The following ABCC12 variants were observed in gnomAD, a reference collection of about 807,000 sequenced individuals.
The protein encoded by ABCC12 is ATP-binding cassette sub-family C member 12.
Under a neutral mutation model 151.1 loss-of-function variants are expected in ABCC12, and 142 were observed. The ratio of observed to expected loss-of-function variants is 0.94; its 90% CI spans 0.82 to 1.08. The LOEUF is 1.08. ABCC12 is among the 50% of genes least tolerant of loss of function. The pLI is 0.00. For synonymous variants in ABCC12, 645 were observed against 646.4 expected, an observed-to-expected ratio of 1.00 and a Z score of 0.03; for missense variants, 1,638 against 1,691.1, an observed-to-expected ratio of 0.97 and a Z score of 0.55.
Position 48,100,991 on chromosome 16 carries a change from G to T in ABCC12, c.2919C>A (p.Val973=), listed in dbSNP as rs1276549327. ...FILLRIFHRG[V]QELKKVENVS... Reference sequence around the variant, plus strand: ...CATTCTCCACCTTCTTGAGCTCCTGGACTCCTCTGTGGAAAATGCTGGAAG... The same window carrying T: ...CATTCTCCACCTTCTTGAGCTCCTGTACTCCTCTGTGGAAAATGCTGGAAG... The change falls in exon 23 of 31, where the codon GTC becomes GTA. Residue 973 remains valine, a synonymous_variant. Coordinates refer to ENST00000311303, the MANE Select transcript of ABCC12 (RefSeq NM_001393797.1). The T allele has an allele frequency of 6.2e-7, 1 of 1,614,168 alleles. No homozygotes were observed. The highest frequency in any genetic ancestry group is 2.2e-5 in the East Asian group (1 of 44,880).
At chr16:48,126,903 C>A (rs1440613547) in intron 11 of ABCC12, among the ~76,000 whole-genome samples, 2 of 152,136 alleles carry the variant, frequency 1.3e-5, no homozygotes, top group Non-Finnish European at 2.9e-5. Context: ...AAAGCCATTG[C>A]GTGGCCAGAA....
chr16:48,138,775 T>C (rs997116683), intron 7 of ABCC12, among the ~76,000 whole-genome samples: 3 of 151,938 alleles, frequency 2.0e-5, no homozygotes, highest in Admixed American at 6.6e-5. Context: ...AAGACCAGCC[T>C]GGACAACATA....
Position 48,102,881 on chromosome 16 carries a change from G to C in ABCC12, c.2900+1261C>G, listed in dbSNP as rs185393108. On this transcript the variant is annotated intron_variant, in intron 22 of 30. Transcript: ENST00000311303. ...CCCAACACCCAAAATTCCACCAGAC[G>C]TGGGAAGTGAAACCCTGATGACACT... Among the ~76,000 whole-genome samples the C allele has an allele frequency of 2.4e-3, 364 of 152,182 alleles. 5 individuals carry two copies. Among genetic ancestry groups the C allele is most frequent in the African/African-American group, 8.4e-3 (350 of 41,504 alleles).
chr16:48,085,346 A>G (rs1370996414), intron 29 of ABCC12, among the ~76,000 whole-genome samples: 1 of 152,204 alleles, frequency 6.6e-6, no homozygotes, highest in African/African-American at 2.4e-5. Flanking sequence ...TTAGGCAAGC[A>G]GAGTGAAAAT....
At chr16:48,127,323 G>T (rs1205882778) in intron 11 of ABCC12, among the ~76,000 whole-genome samples, 1 of 152,172 alleles carries the variant, frequency 6.6e-6, no homozygotes, top group African/African-American at 2.4e-5. Flanking sequence ...AGTTCCCAGA[G>T]CAAGAAGGAG....
intron 18 of ABCC12, 108 bp downstream of exon 18, chr16:48,111,328 C>T: frequency 1.5e-6 from 2 of 1,347,636 alleles, no homozygotes; most frequent in South Asian, 1.3e-5. Flanking sequence ...CCATCCAATT[C>T]TGGCTGCCCA....
At chr16:48,138,407 G>A (rs375238319) in intron 7 of ABCC12, 32 bp from the exon 8 acceptor site, 1 of 1,586,952 alleles carries the variant, frequency 6.3e-7, no homozygotes, top group South Asian at 1.1e-5. Flanking sequence ...TGTTTTCAGA[G>A]AGAAGTGCTG....
Position 48,144,011 on chromosome 16 carries a change from G to T in ABCC12, c.174C>A (p.Ser58=), listed in dbSNP as rs774222093. ...DAGLLSFATF[S]WLTPVMVKGY... is the part of the protein sequence containing the mutation. Reference sequence around the variant, plus strand: ...CTTTCACCATCACCGGCGTGAGCCAGGAAAATGTGGCGAAGGAGAGTAGCC... The same window carrying T: ...CTTTCACCATCACCGGCGTGAGCCATGAAAATGTGGCGAAGGAGAGTAGCC... Residue 58 remains serine, a synonymous_variant, in exon 4 of 31, where the codon TCC becomes TCA. Transcript: ENST00000311303. 1 of 1,614,224 alleles carries T rather than the reference G, an allele frequency of 6.2e-7. No homozygotes were observed. The highest frequency in any genetic ancestry group is 1.7e-5 in the Admixed American group (1 of 60,032).
chr16:48,094,895 A>C (rs147646935), intron 24 of ABCC12, among the ~76,000 whole-genome samples: 52 of 152,294 alleles, frequency 3.4e-4, no homozygotes, highest in Admixed American at 1.1e-3. Context: ...GAAACTCTGA[A>C]AACCCAACCC....
intron 4 of ABCC12, 21 bp from the exon 5 acceptor site, chr16:48,141,374 C>A (rs1270479529): frequency 3.7e-6 from 6 of 1,613,444 alleles, no homozygotes; most frequent in Non-Finnish European, 5.1e-6. Flanking sequence ...AAAACAGAAG[C>A]ATAAAATGGA....
intron 18 of ABCC12, 105 bp downstream of exon 18, chr16:48,111,331 G>T: frequency 7.3e-7 from 1 of 1,368,206 alleles, no homozygotes; most frequent in Non-Finnish European, 1.0e-6. Flanking sequence ...TCCAATTCTG[G>T]CTGCCCAAAA....
At chr16:48,121,250 T>C (rs1262040985) in intron 13 of ABCC12, 1 of 152,352 alleles carries the variant, frequency 6.6e-6, no homozygotes, top group Non-Finnish European at 1.5e-5. Context: ...AAGTTGAGCT[T>C]TGTTTTTATT....
chr16:48,102,667 G>C (rs912373491), intron 22 of ABCC12, among the ~76,000 whole-genome samples: 1 of 152,120 alleles, frequency 6.6e-6, no homozygotes, highest in African/African-American at 2.4e-5. Flanking sequence ...CAGCTCTCCT[G>C]CCCCAGTACA....
At chr16:48,136,027 C>T (rs1288201119) in intron 8 of ABCC12, among the ~76,000 whole-genome samples, 1 of 152,038 alleles carries the variant, frequency 6.6e-6, no homozygotes, top group Non-Finnish European at 1.5e-5. Context: ...TCGTCCTCAC[C>T]ACTGCATGAT....
chr16:48,134,945 G>C (rs1176472212), intron 8 of ABCC12, among the ~76,000 whole-genome samples: 3 of 151,816 alleles, frequency 2.0e-5, no homozygotes, highest in African/African-American at 4.8e-5. Context: ...CCAGCTACTC[G>C]GGAGGCTGAG....
chr16:48,153,008 G>A (rs1052774850), intron 2 of ABCC12, among the ~76,000 whole-genome samples: 2 of 152,258 alleles, frequency 1.3e-5, no homozygotes, highest in East Asian at 1.9e-4. Context: ...CTGTGCACTT[G>A]ACTCTCAAGT....
intron 29 of ABCC12, among the ~76,000 whole-genome samples, chr16:48,085,183 G>A (rs1210550689): frequency 6.6e-6 from 1 of 152,112 alleles, no homozygotes; most frequent in Admixed American, 6.5e-5. Flanking sequence ...GGGTGGCTAA[G>A]TTACAAAGAA....
At chr16:48,105,677 G>A (rs1963469035) in intron 20 of ABCC12, among the ~76,000 whole-genome samples, 1 of 152,178 alleles carries the variant, frequency 6.6e-6, no homozygotes, top group African/African-American at 2.4e-5. Flanking sequence ...GATCAGAGAG[G>A]CAAATGGGGA....
rs1963117460 is a variant in ABCC12 at position 48,096,884 on chromosome 16, G to A, written c.3057C>T (p.Asn1019=). ...TCAGCGCAAACCACCTGAGAGCACA[G>A]TTAAAGTAGAGGAGGTGACTGGAGT... ...SCITYHLLYF[N]CALRWFALRM... is the part of the protein sequence containing the mutation. The change falls in exon 24 of 31, where the codon AAC becomes AAT. Residue 1019 remains asparagine, a synonymous_variant. Coordinates refer to ENST00000311303, the MANE Select transcript of ABCC12 (RefSeq NM_001393797.1). The A allele has an allele frequency of 1.2e-6, 2 of 1,614,044 alleles. No individual in the cohort carries two copies. Among genetic ancestry groups the A allele is most frequent in the Non-Finnish European group, 1.7e-6 (2 of 1,180,030 alleles).
Sources: gnomAD v4.1 joint callset for allele counts (sites outside exome capture counted in the v4.1 genomes callset) on GRCh38, gnomAD v4.1.1 for gene constraint, MANE v1.5 for transcripts, NCBI Gene and HGNC (gene_info 2026-07-23, HGNC 2026-07-21) for gene names.